MYO1B: variants seen among roughly 807,000 people sequenced by gnomAD.
MYO1B encodes the protein myosin IB, also known as unconventional myosin-Ib.
In MYO1B, 72 loss-of-function variants were observed where a neutral mutation model predicts 159.7. The ratio of observed to expected loss-of-function variants is 0.45; its 90% CI spans 0.37 to 0.55. The LOEUF is 0.55. MYO1B is among the 20% of genes least tolerant of loss of function. The pLI, the probability that MYO1B is intolerant of heterozygous loss-of-function variation, is 0.00. For synonymous variants in MYO1B, 468 were observed against 473.8 expected (o/e 0.99, Z 0.16); for missense variants, 1,062 against 1,364.8 (o/e 0.78, Z 3.50).
rs531319837 is a variant in MYO1B, at chr2:191,355,352, TG to T, written c.562+5131del. Among the ~76,000 whole-genome samples, 678 of 152,352 alleles carry T rather than the reference TG, an allele frequency of 4.5e-3. 2 individuals are homozygous for T. The highest frequency in any genetic ancestry group is 7.4e-3 in the Non-Finnish European group (503 of 68,022). On this transcript the variant is annotated intron_variant, in intron 7 of 30. Coordinates refer to ENST00000392318, the MANE Select transcript of MYO1B (RefSeq NM_001130158.3). ...GGTATTGTTTTAAGCTGCTGAGTTTTGGGGTGATTTGTTATGCAGCAAAAAC... is the reference window on the plus strand; with the variant it reads ...GGTATTGTTTTAAGCTGCTGAGTTTTGGGTGATTTGTTATGCAGCAAAAAC...
At chr2:191,394,374 G>A (rs1485304960) in intron 20 of MYO1B, among the ~76,000 whole-genome samples, 1 of 152,114 alleles carries the variant, frequency 6.6e-6, no homozygotes, top group Non-Finnish European at 1.5e-5. Flanking sequence ...ACCAACAAGA[G>A]GACCAAAAAG....
chr2:191,285,203 G>A (rs149094802), intron 2 of MYO1B, among the ~76,000 whole-genome samples: 104 of 152,250 alleles, frequency 6.8e-4, no homozygotes, highest in Non-Finnish European at 1.1e-3. Context: ...TACTTGTCTC[G>A]TGACACAGTT....
At chr2:191,326,190 C>A (rs117830655) in intron 3 of MYO1B, among the ~76,000 whole-genome samples, 1 of 152,256 alleles carries the variant, frequency 6.6e-6, no homozygotes, top group Non-Finnish European at 1.5e-5. Flanking sequence ...GGGTCACAAC[C>A]GTTTTTAACT....
At chr2:191,288,977 G>A (rs950628836) in intron 2 of MYO1B, among the ~76,000 whole-genome samples, 1 of 152,148 alleles carries the variant, frequency 6.6e-6, no homozygotes, top group African/African-American at 2.4e-5. Flanking sequence ...AGACTAATTC[G>A]TATTAAGATA....
At chr2:191,359,756 G>GA (rs1693545344) in intron 7 of MYO1B, among the ~76,000 whole-genome samples, 1 of 152,152 alleles carries the variant, frequency 6.6e-6, no homozygotes, top group Non-Finnish European at 1.5e-5. Context: ...GTGTTCTCTA[G>GA]AATTAGTGCT....
intron 13 of MYO1B, among the ~76,000 whole-genome samples, chr2:191,372,926 C>T (rs1163436206): frequency 1.8e-5 from 2 of 109,294 alleles, no homozygotes; most frequent in Non-Finnish European, 3.3e-5. Context: ...CTCACTGTGT[C>T]TCCAGGCTGG....
intron 3 of MYO1B, among the ~76,000 whole-genome samples, chr2:191,327,813 G>T (rs1445140968): frequency 6.6e-6 from 1 of 152,148 alleles, no homozygotes. Flanking sequence ...CTGGTGTCAG[G>T]ATCTTTTTAT....
chr2:191,393,043 T>A, intron 19 of MYO1B, 30 bp from the exon 20 acceptor site: 1 of 1,597,182 alleles, frequency 6.3e-7, no homozygotes, highest in Non-Finnish European at 8.6e-7. Context: ...CAGAGGATTT[T>A]TGATAAGTCC....
At chr2:191,287,391 G>T (rs566683920) in intron 2 of MYO1B, among the ~76,000 whole-genome samples, 3 of 152,070 alleles carry the variant, frequency 2.0e-5, no homozygotes, top group African/African-American at 7.2e-5. Flanking sequence ...TTAGCTTGGC[G>T]TGGTGGCGGG....
intron 5 of MYO1B, among the ~76,000 whole-genome samples, chr2:191,344,142 G>A (rs561184698): frequency 1.3e-5 from 2 of 152,252 alleles, no homozygotes; most frequent in East Asian, 3.9e-4. Context: ...AGTCGGACTT[G>A]GGGCTGTGCA....
Position 191,368,835 on chromosome 2 carries a change from G to A in MYO1B, c.1033-707G>A, listed in dbSNP as rs148779719. On this transcript the variant is annotated intron_variant, in intron 11 of 30. Transcript: ENST00000392318. ...CAAAAAATACAAAAATTAGCCACGCGTGGTGGCACACACGTGTAGTCCCAG... is the reference window on the plus strand; with the variant it reads ...CAAAAAATACAAAAATTAGCCACGCATGGTGGCACACACGTGTAGTCCCAG... Among the ~76,000 whole-genome samples, 9 of 152,160 alleles carry A rather than the reference G, an allele frequency of 5.9e-5. No individual in the cohort carries two copies. In the East Asian group the frequency reaches 7.7e-4, roughly 13 times the overall value.
At chr2:191,272,781 A>G (rs1373642332) in intron 1 of MYO1B, among the ~76,000 whole-genome samples, 2 of 152,182 alleles carry the variant, frequency 1.3e-5, no homozygotes, top group African/African-American at 4.8e-5. Flanking sequence ...ACCACGGGCC[A>G]TGGTTTAGTC....
intron 3 of MYO1B, among the ~76,000 whole-genome samples, chr2:191,316,297 A>G (rs1344983325): frequency 1.3e-5 from 2 of 152,222 alleles, no homozygotes; most frequent in Admixed American, 1.3e-4. Context: ...GACTTGTTTG[A>G]ATAGATGGCC....
intron 2 of MYO1B, among the ~76,000 whole-genome samples, chr2:191,292,801 G>A (rs1417414305): frequency 6.6e-6 from 1 of 150,926 alleles, no homozygotes; most frequent in Non-Finnish European, 1.5e-5. Flanking sequence ...CTGTTGCCAT[G>A]TAACAAACTA....
In MYO1B at chr2:191,364,238, A is replaced by C; in HGVS notation, c.994A>C (p.Lys332Gln). ...ATTCAGTTTCCGAACAGTTGAGGCC[A>C]AACAGGAGAAAGTTTCAACTACACT... Reference protein sequence around the residue: ...RAFSFRTVEAKQEKVSTTLNV... With the variant: ...RAFSFRTVEAQQEKVSTTLNV... Residue 332 changes from lysine to glutamine, a missense_variant, in exon 11 of 31, where the codon AAA (lysine) becomes CAA (glutamine). Lys to Gln is a moderately conservative substitution (Grantham distance 53, BLOSUM62 1). Coordinates refer to ENST00000392318, the MANE Select transcript of MYO1B (RefSeq NM_001130158.3). 1 of 1,613,944 alleles carries C rather than the reference A, an allele frequency of 6.2e-7. No individual in the cohort carries two copies. The highest frequency in any genetic ancestry group is 2.2e-5 in the East Asian group (1 of 44,882).
In MYO1B at chr2:191,265,732, G is replaced by A. The variant is rs185087795; in HGVS notation, c.-9-11155G>A. Reference sequence around the variant, plus strand: ...AAGGAACGCATTGAAAAGTCCGTGCGTTATAATTAGCATGTTCCCCTGTAC... The same window carrying A: ...AAGGAACGCATTGAAAAGTCCGTGCATTATAATTAGCATGTTCCCCTGTAC... On this transcript the variant is annotated intron_variant, in intron 1 of 30. Coordinates refer to ENST00000392318, the MANE Select transcript of MYO1B (RefSeq NM_001130158.3). Among the ~76,000 whole-genome samples, 75 of 152,298 alleles carry A rather than the reference G, an allele frequency of 4.9e-4. 1 individual carries two copies. Among genetic ancestry groups the A allele is most frequent in the Middle Eastern group, 3.4e-3 (1 of 294 alleles).
chr2:191,329,311 G>A (rs1042385975), intron 3 of MYO1B, among the ~76,000 whole-genome samples: 3 of 152,006 alleles, frequency 2.0e-5, no homozygotes, highest in Admixed American at 2.0e-4. Flanking sequence ...TGCCTCTGAT[G>A]GATCTTAGAG....
At chr2:191,284,482 G>T (rs938239622) in intron 2 of MYO1B, among the ~76,000 whole-genome samples, 1 of 152,128 alleles carries the variant, frequency 6.6e-6, no homozygotes, top group African/African-American at 2.4e-5. Context: ...AATGGTCATC[G>T]TGGTACTTAT....
At chr2:191,386,222 G>A (rs1695392496) in intron 16 of MYO1B, 138 bp downstream of exon 16, 4 of 721,100 alleles carry the variant, frequency 5.5e-6, no homozygotes, top group Non-Finnish European at 9.2e-6. Context: ...ATCGATAAAT[G>A]TTCAATAGAA....
Sources: gnomAD v4.1 joint callset for allele counts (sites outside exome capture counted in the v4.1 genomes callset) on GRCh38, gnomAD v4.1.1 for gene constraint, MANE v1.5 for transcripts, NCBI Gene and HGNC (gene_info 2026-07-23, HGNC 2026-07-21) for gene names.